AVL9: variants seen among roughly 807,000 people sequenced by gnomAD.
AVL9 encodes AVL9 cell migration associated.
In AVL9, 49 loss-of-function variants were observed where a neutral mutation model predicts 79.2. The observed-to-expected ratio is 0.62, with a 90% confidence interval of 0.49 to 0.79. AVL9 has a LOEUF of 0.79. AVL9 is among the 30% of genes least tolerant of loss of function. AVL9 has a pLI of 0.00. For synonymous variants in AVL9, 299 were observed against 280.6 expected, an observed-to-expected ratio of 1.07 and a Z score of -0.65; for missense variants, 682 against 776.8, an observed-to-expected ratio of 0.88 and a Z score of 1.45.
At chr7:32,567,365 G>A (rs1790629724) in intron 10 of AVL9, among the ~76,000 whole-genome samples, 1 of 152,154 alleles carries the variant, frequency 6.6e-6, no homozygotes, top group Non-Finnish European at 1.5e-5. Context: ...GCCTCCCAAA[G>A]TGCTGGGATT....
chr7:32,517,840 GTTTTT>G (rs200064637), intron 1 of AVL9, among the ~76,000 whole-genome samples: 8 of 146,222 alleles, frequency 5.5e-5, no homozygotes, highest in Non-Finnish European at 9.0e-5. Flanking sequence ...GTTTTGTTTT[GTTTTT>G]TTTTGAAACA....
chr7:32,575,397 C>T (rs1791046276), intron 12 of AVL9, among the ~76,000 whole-genome samples: 1 of 152,056 alleles, frequency 6.6e-6, no homozygotes, highest in South Asian at 2.1e-4. Flanking sequence ...CTGCACCTGG[C>T]CTTTTTTAAG....
In AVL9 at chr7:32,579,474, ATAT is replaced by A. The variant is rs537720973; in HGVS notation, c.1689-741_1689-739del. 6.7e-3 allele frequency among the ~76,000 whole-genome samples: 57 copies of A among 8,472 alleles called. 14 individuals are homozygous for A. The highest frequency in any genetic ancestry group is 0.036 in the African/African-American group (56 of 1,576). 5.6% of individuals were successfully genotyped at this position (8,472 alleles called of 152,430 possible). ...TATTATATATTATATATAATATATT[ATAT>A]TATATATAATATATTACATATTATA... On this transcript the variant is annotated intron_variant, in intron 13 of 15. Transcript: ENST00000318709.
intron 1 of AVL9, among the ~76,000 whole-genome samples, chr7:32,529,036 AC>A (rs1788525333): frequency 6.6e-6 from 1 of 152,226 alleles, no homozygotes; most frequent in South Asian, 2.1e-4. Context: ...TTTATCATAT[AC>A]TAAGCATTGT....
chr7:32,512,883 AC>A (rs1787741968), intron 1 of AVL9, among the ~76,000 whole-genome samples: 1 of 152,034 alleles, frequency 6.6e-6, no homozygotes, highest in Admixed American at 6.6e-5. Flanking sequence ...TGATATCACA[AC>A]CCAAATTTCT....
Position 32,523,008 on chromosome 7 carries a change from G to GT in AVL9, c.94-20132dup, listed in dbSNP as rs372305630. 4.9e-3 allele frequency among the ~76,000 whole-genome samples: 743 copies of GT among 152,140 alleles called. 5 individuals are homozygous for GT. The highest frequency in any genetic ancestry group is 0.017 in the African/African-American group (690 of 41,486). ...GAGGCCTCCCCAGCCATGTGGAACT[G>GT]TAAGTCCAATTAAACCTTTTTTTCT... On this transcript the variant is annotated intron_variant, in intron 1 of 15. Coordinates refer to ENST00000318709, the MANE Select transcript of AVL9 (RefSeq NM_015060.3).
chr7:32,554,556 A>C lies in AVL9; in HGVS notation c.571-2A>C. On this transcript the variant is annotated splice_acceptor_variant, in intron 7 of 15. Transcript: ENST00000318709. LOFTEE classifies it high-confidence loss of function. Reference sequence around the variant, plus strand: ...ATACAACATTTTTTTTTCCTTTTGCAGGTCTTAATCCTATTTAAGCTAATT... The same window carrying C: ...ATACAACATTTTTTTTTCCTTTTGCCGGTCTTAATCCTATTTAAGCTAATT... The C allele has an allele frequency of 6.5e-7, 1 of 1,537,738 alleles. No individual in the cohort carries two copies. The highest frequency in any genetic ancestry group is 8.8e-7 in the Non-Finnish European group (1 of 1,134,010).
chr7:32,573,688 CTA>C (rs1300642798), intron 12 of AVL9, among the ~76,000 whole-genome samples: 1 of 152,132 alleles, frequency 6.6e-6, no homozygotes, highest in African/African-American at 2.4e-5. Flanking sequence ...TTTTCTGAAA[CTA>C]TTACTTTATA....
intron 12 of AVL9, among the ~76,000 whole-genome samples, chr7:32,575,109 G>GTTTTGT (rs1791030580): frequency 6.8e-6 from 1 of 146,250 alleles, no homozygotes; most frequent in South Asian, 2.1e-4. Context: ...GTTTTGTTTT[G>GTTTTGT]TTTTTTGAGA....
intron 1 of AVL9, chr7:32,532,386 CG>C (rs571950967): frequency 3.9e-4 from 59 of 152,272 alleles, no homozygotes; most frequent in African/African-American, 1.3e-3. Flanking sequence ...CTTTGGGCCA[CG>C]GGTTTCAGGC....
rs142055726 is a variant in AVL9 at position 32,544,722 on chromosome 7, A to G, written c.243A>G (p.Arg81=). The part of the protein sequence containing the change: ...EDTVFFHLPP[R]NGNGATVFGI... The stretch of plus-strand genomic sequence containing the variant: ...CTGTGTTTTTTCACTTGCCACCCAG[A>G]AATGGAAATGGAGCCACAGTATTTG... Residue 81 remains arginine, a synonymous_variant, in exon 3 of 16, where the codon AGA becomes AGG. Coordinates refer to ENST00000318709, the MANE Select transcript of AVL9 (RefSeq NM_015060.3). 2 of 1,613,842 alleles carry G rather than the reference A, an allele frequency of 1.2e-6. No individual in the cohort carries two copies. The highest frequency in any genetic ancestry group is 1.7e-6 in the Non-Finnish European group (2 of 1,179,858).
At chr7:32,513,687 G>T (rs751351822) in intron 1 of AVL9, among the ~76,000 whole-genome samples, 1 of 152,192 alleles carries the variant, frequency 6.6e-6, no homozygotes, top group Non-Finnish European at 1.5e-5. Flanking sequence ...AATAAGACAC[G>T]GAGACAAAGT....
chr7:32,525,376 C>G (rs1382819476), intron 1 of AVL9, among the ~76,000 whole-genome samples: 1 of 151,996 alleles, frequency 6.6e-6, no homozygotes, highest in African/African-American at 2.4e-5. Flanking sequence ...AGGTAAAGTT[C>G]CAACAAAGCC....
chr7:32,505,093 C>G (rs1376564037), intron 1 of AVL9, among the ~76,000 whole-genome samples: 1 of 150,376 alleles, frequency 6.6e-6, no homozygotes, highest in African/African-American at 2.4e-5. Context: ...AGGCTGGTCT[C>G]GAACTCCTGA....
In AVL9 at chr7:32,584,722, A is replaced by G. The variant is rs1486864332; in HGVS notation, c.*815A>G. On this transcript the variant is annotated 3_prime_UTR_variant, in exon 16 of 16. Coordinates refer to ENST00000318709, the MANE Select transcript of AVL9 (RefSeq NM_015060.3). Reference sequence around the variant, plus strand: ...AACCGCAGTCATGTTGCAGTCTTACAAGCACTTTTTTTTTATTCCAGAGTT... The same window carrying G: ...AACCGCAGTCATGTTGCAGTCTTACGAGCACTTTTTTTTTATTCCAGAGTT... 1.5e-5 allele frequency: 2 copies of G among 130,594 alleles called. No individual in the cohort carries two copies. Among genetic ancestry groups the G allele is most frequent in the Non-Finnish European group, 3.1e-5 (2 of 65,420 alleles). The allele number at this position is 130,594 out of a possible 1,614,324, so 8.1% of individuals were successfully genotyped here. A position where few individuals can be genotyped will look rare whatever the true frequency, so the allele number is the denominator to read the frequency against.
intron 1 of AVL9, chr7:32,534,291 A>G (rs1158183564): frequency 2.0e-5 from 3 of 152,218 alleles, no homozygotes; most frequent in South Asian, 2.1e-4. Flanking sequence ...GTTACATACA[A>G]AGTCATATTT....
chr7:32,570,206 T>C (rs748713077), intron 11 of AVL9, 52 bp downstream of exon 11: 77 of 1,606,396 alleles, frequency 4.8e-5, no homozygotes, highest in Middle Eastern at 1.7e-4. Context: ...CCAGTTTTCC[T>C]TTCTTAACTA....
At position 32,495,581 on chromosome 7, in the gene AVL9, C is replaced by G; in HGVS notation, c.-129C>G. 2 of 502,480 alleles carry G rather than the reference C, an allele frequency of 4.0e-6. No homozygotes were observed. The highest frequency in any genetic ancestry group is 6.5e-6 in the Non-Finnish European group (2 of 309,740). The allele number at this position is 502,480 out of a possible 1,614,324, so 31.1% of individuals were successfully genotyped here. A position where few individuals can be genotyped will look rare whatever the true frequency, so the allele number is the denominator to read the frequency against. On this transcript the variant is annotated 5_prime_UTR_variant, in exon 1 of 16. It adds an upstream start codon to the 5' untranslated region. Coordinates refer to ENST00000318709, the MANE Select transcript of AVL9 (RefSeq NM_015060.3). ...CGGGAGCTGCTTTGCCTCCACCGATCTCCCTGTGCGGCCCTCATGTGCTGT... is the reference window on the plus strand; with the variant it reads ...CGGGAGCTGCTTTGCCTCCACCGATGTCCCTGTGCGGCCCTCATGTGCTGT...
chr7:32,507,047 T>A (rs1303092600), intron 1 of AVL9, among the ~76,000 whole-genome samples: 1 of 152,190 alleles, frequency 6.6e-6, no homozygotes, highest in East Asian at 1.9e-4. Flanking sequence ...CAGGTTGGTT[T>A]CATATTTGAA....
Sources: allele counts gnomAD v4.1 joint callset (sites outside exome capture counted in the v4.1 genomes callset), GRCh38; gene constraint gnomAD v4.1.1; transcripts MANE v1.5; gene names NCBI Gene and HGNC (gene_info 2026-07-23, HGNC 2026-07-21).